Variants in NDST3 observed in about 807,000 individuals in gnomAD.
NDST3 encodes the protein bifunctional heparan sulfate N-deacetylase/N-sulfotransferase 3.
In NDST3, 58 loss-of-function variants were observed where a neutral mutation model predicts 96.1. The observed-to-expected ratio is 0.60, with a 90% CI of 0.49 to 0.75. NDST3 has a LOEUF of 0.75. Among genes scored for constraint, NDST3 ranks in the 30% least tolerant of loss-of-function variants. NDST3 has a pLI of 0.00. For synonymous variants in NDST3, 333 were observed against 359.7 expected (o/e 0.93, Z 0.84); for missense variants, 788 against 1,034.2 (o/e 0.76, Z 3.27).
chr4:118,162,546 T>C (rs1436459968), intron 6 of NDST3, among the ~76,000 whole-genome samples: 6 of 151,500 alleles, frequency 4.0e-5, no homozygotes, highest in Non-Finnish European at 5.9e-5. Flanking sequence ...TGGCTAGCCA[T>C]ATGTAGAAAG....
chr4:118,040,869 A>ATATATTTATATATT (rs1560603294), intron 1 of NDST3, among the ~76,000 whole-genome samples: 3 of 51,330 alleles, frequency 5.8e-5, no homozygotes, highest in African/African-American at 1.1e-4. Context: ...ATATATTTTT[A>ATATATTTATATATT]TATATATATA....
chr4:118,119,778 A>G (rs1303223564), intron 4 of NDST3, among the ~76,000 whole-genome samples: 1 of 152,140 alleles, frequency 6.6e-6, no homozygotes, highest in Non-Finnish European at 1.5e-5. Flanking sequence ...TCCTGCTACC[A>G]CATCAGATTC....
At position 118,209,145 on chromosome 4, in the gene NDST3, A is replaced by T. The variant is rs562174659; in HGVS notation, c.1540-15346A>T. Among the ~76,000 whole-genome samples the T allele has an allele frequency of 2.6e-5, 4 of 152,320 alleles. No homozygotes were observed. The South Asian group carries it at 8.3e-4, about 32-fold the overall frequency. ...CCTATATCTATTATATTGTGGAGGG[A>T]GTGATTTAAAACAAAGAAGCAAAAT... On this transcript the variant is annotated intron_variant, in intron 6 of 13. Coordinates refer to ENST00000296499, the MANE Select transcript of NDST3 (RefSeq NM_004784.3).
intron 10 of NDST3, among the ~76,000 whole-genome samples, chr4:118,237,665 A>G (rs956297950): frequency 1.3e-5 from 2 of 152,312 alleles, no homozygotes; most frequent in Admixed American, 1.3e-4. Flanking sequence ...GAAAGCAGCC[A>G]TAGACAATAT....
At chr4:118,238,009 G>A (rs1381459327) in intron 10 of NDST3, among the ~76,000 whole-genome samples, 1 of 151,730 alleles carries the variant, frequency 6.6e-6, no homozygotes, top group Non-Finnish European at 1.5e-5. Context: ...CACATATGTG[G>A]TCCCAGCTAC....
chr4:118,245,186 C>T lies in NDST3; in HGVS notation c.2399+3037C>T, dbSNP rs1378281885. ...GAAAAATATGAACTTTTAGTTTTGC[C>T]ATGAATACATCTGTTCACAATAATA... On this transcript the variant is annotated intron_variant, in intron 12 of 13. Coordinates refer to ENST00000296499, the MANE Select transcript of NDST3 (RefSeq NM_004784.3). Among the ~76,000 whole-genome samples, 7 of 152,200 alleles carry T rather than the reference C, an allele frequency of 4.6e-5. No individual in the cohort carries two copies. In the East Asian group the frequency reaches 1.2e-3, roughly 25 times the overall value.
At chr4:118,247,482 G>A (rs1402471687) in intron 12 of NDST3, among the ~76,000 whole-genome samples, 3 of 152,142 alleles carry the variant, frequency 2.0e-5, no homozygotes, top group Admixed American at 6.5e-5. Context: ...AACCCAGGAG[G>A]TGGAGGTTGC....
At chr4:118,135,707 G>A (rs1296927762) in intron 4 of NDST3, among the ~76,000 whole-genome samples, 2 of 152,068 alleles carry the variant, frequency 1.3e-5, no homozygotes, top group East Asian at 1.9e-4. Context: ...CACTGCACCA[G>A]CACACAAATA....
chr4:118,229,799 T>C (rs566595605), intron 8 of NDST3, among the ~76,000 whole-genome samples: 1 of 152,362 alleles, frequency 6.6e-6, no homozygotes, highest in South Asian at 2.1e-4. Context: ...ACTTTAAAAA[T>C]GCCTCATGCA....
intron 1 of NDST3, among the ~76,000 whole-genome samples, chr4:118,046,801 G>T (rs1429795178): frequency 3.3e-5 from 5 of 152,184 alleles, no homozygotes; most frequent in African/African-American, 1.2e-4. Context: ...ACTGAGAGGG[G>T]TGAGATGCCT....
At chr4:118,174,408 C>A (rs1736146277) in intron 6 of NDST3, among the ~76,000 whole-genome samples, 1 of 152,092 alleles carries the variant, frequency 6.6e-6, no homozygotes, top group South Asian at 2.1e-4. Context: ...CTTATATTTA[C>A]AAGAGAAATC....
chr4:118,103,297 G>A (rs1360109131), intron 2 of NDST3, among the ~76,000 whole-genome samples: 2 of 152,004 alleles, frequency 1.3e-5, no homozygotes, highest in Non-Finnish European at 2.9e-5. Context: ...ATAAGAGACT[G>A]AAATGAAGTG....
chr4:118,099,768 T>C (rs1464843838), intron 2 of NDST3, among the ~76,000 whole-genome samples: 1 of 152,094 alleles, frequency 6.6e-6, no homozygotes, highest in East Asian at 1.9e-4. Flanking sequence ...CCTCTAATTG[T>C]TCCTGAGGCC....
chr4:118,136,353 T>C (rs1260810600), intron 4 of NDST3, among the ~76,000 whole-genome samples: 1 of 152,216 alleles, frequency 6.6e-6, no homozygotes, highest in Non-Finnish European at 1.5e-5. Context: ...TTTTTTAATG[T>C]TTGTGATATG....
At chr4:118,251,027 A>G (rs1741671294) in intron 12 of NDST3, among the ~76,000 whole-genome samples, 2 of 150,038 alleles carry the variant, frequency 1.3e-5, no homozygotes, top group African/African-American at 4.9e-5. Context: ...AAGGTTGCAA[A>G]ATTTTCTGGT....
At chr4:118,055,176 T>C in intron 2 of NDST3, 2 of 379,740 alleles carry the variant, frequency 5.3e-6, no homozygotes, top group South Asian at 6.0e-5. Context: ...TTAATTACTT[T>C]CCAGAAACTA....
At chr4:118,240,324 A>G (rs898175933) in intron 10 of NDST3, among the ~76,000 whole-genome samples, 200 bp from the exon 11 acceptor site, 1 of 152,156 alleles carries the variant, frequency 6.6e-6, no homozygotes, top group African/African-American at 2.4e-5. Flanking sequence ...AAATTCTCAA[A>G]AATTTACTCC....
chr4:118,194,609 A>G (rs527252772), intron 6 of NDST3: 34 of 721,676 alleles, frequency 4.7e-5, no homozygotes, highest in Admixed American at 3.5e-5. Flanking sequence ...TCAGTCCCCA[A>G]TCATGGGCAT....
intron 6 of NDST3, among the ~76,000 whole-genome samples, chr4:118,201,707 T>C (rs936987728): frequency 2.0e-5 from 3 of 152,224 alleles, no homozygotes; most frequent in Non-Finnish European, 4.4e-5. Context: ...ATGCATAGTT[T>C]GCAGATATCG....
Sources: gnomAD v4.1 joint callset for allele counts (sites outside exome capture counted in the v4.1 genomes callset) on GRCh38, gnomAD v4.1.1 for gene constraint, MANE v1.5 for transcripts, NCBI Gene and HGNC (gene_info 2026-07-23, HGNC 2026-07-21) for gene names.